Variants in CD101 observed in about 807,000 individuals in gnomAD.
CD101 encodes CD101 molecule.
CD101 carries 76 observed loss-of-function variants against 98.2 expected under a neutral mutation model. The ratio of observed to expected loss-of-function variants is 0.77; its 90% CI spans 0.64 to 0.94. The LOEUF (loss-of-function observed/expected upper bound fraction) is 0.94. CD101 is among the 40% of genes least tolerant of loss of function. The probability of loss-of-function intolerance (pLI) is 0.00; values close to 1 mark genes in which losing one functional copy is unlikely to be tolerated. For synonymous variants in CD101, 471 were observed against 472.7 expected (o/e 1.00, Z 0.05); for missense variants, 1,145 against 1,218.8 (o/e 0.94, Z 0.90).
chr1:117,016,093 T>A (rs1252875726), intron 4 of CD101, among the ~76,000 whole-genome samples: 1 of 151,754 alleles, frequency 6.6e-6, no homozygotes. Flanking sequence ...AGTTTAGACA[T>A]AAGAAGCCTC....
chr1:117,027,280 A>G (rs900737190), intron 8 of CD101, among the ~76,000 whole-genome samples: 1 of 152,202 alleles, frequency 6.6e-6, no homozygotes, highest in East Asian at 1.9e-4. Flanking sequence ...ATAAATAACT[A>G]TATCAGGTTC....
chr1:117,031,305 A>T (rs1471101180), intron 8 of CD101, among the ~76,000 whole-genome samples: 1 of 152,086 alleles, frequency 6.6e-6, no homozygotes. Context: ...TGAAAAGCAG[A>T]GTAGCAGATT....
At position 117,033,761 on chromosome 1, in the gene CD101, A is replaced by T. The variant is rs1570752881; in HGVS notation, c.2825-99A>T. 4 of 1,517,372 alleles carry T rather than the reference A, an allele frequency of 2.6e-6. No homozygotes were observed. The Admixed American group carries it at 7.4e-5, about 28-fold the overall frequency. 94.0% of individuals were successfully genotyped at this position (1,517,372 alleles called of 1,614,324 possible). On this transcript the variant is annotated intron_variant, in intron 8 of 9. Transcript: ENST00000682167. This position sits in a 1 kb window ranked among gnomAD's most constrained non-coding sequence, Gnocchi z 4.8. ...TGCTATTTGGCCCCATTATTTTTAC[A>T]TATACTTGCCTATAACAATAAATCC...
In CD101 at chr1:117,013,759, CCAGA is replaced by C. The variant is rs1191175797; in HGVS notation, c.1199_1202del (p.Asp400AlafsTer5). On this transcript the variant is annotated frameshift_variant, in exon 4 of 10. Transcript: ENST00000682167. LOFTEE classifies it high-confidence loss of function. ...GCAGGTGCTTCAGAGAAAGCAGTCACCAGACAGCCACGTGCACCTGAGGAAGCCA... is the reference window on the plus strand; with the variant it reads ...GCAGGTGCTTCAGAGAAAGCAGTCACCAGCCACGTGCACCTGAGGAAGCCA... 9 of 1,613,066 alleles carry C rather than the reference CCAGA, an allele frequency of 5.6e-6. No homozygotes were observed. The highest frequency in any genetic ancestry group is 3.3e-5 in the Admixed American group (2 of 59,968).
chr1:117,017,245 G>T lies in CD101; in HGVS notation c.1384G>T (p.Gly462Cys), dbSNP rs747338413. The T allele has an allele frequency of 1.2e-6, 2 of 1,614,086 alleles. No individual in the cohort carries two copies. The highest frequency in any genetic ancestry group is 2.7e-5 in the African/African-American group (2 of 74,936). ...RDQTQPEFVA[G>C]MGQDGIVQLG... ...CCAGACACAGCCCGAGTTTGTGGCT[G>T]GCATGGGGCAGGATGGCATTGTGCA... Residue 462 changes from glycine to cysteine, a missense_variant, in exon 5 of 10, where the codon GGC becomes TGC. Coordinates refer to ENST00000682167, the MANE Select transcript of CD101 (RefSeq NM_001256106.3).
Position 117,026,898 on chromosome 1 carries a change from C to T in CD101, c.2824+994C>T, listed in dbSNP as rs1653971171. 4 of 152,000 alleles carry T rather than the reference C, an allele frequency of 2.6e-5. No individual in the cohort carries two copies. In the South Asian group the frequency reaches 8.3e-4, roughly 32 times the overall value. The allele number at this position is 152,000 out of a possible 1,614,324, so 9.4% of individuals were successfully genotyped here. A position where few individuals can be genotyped will look rare whatever the true frequency, so the allele number is the denominator to read the frequency against. Reference sequence around the variant, plus strand: ...AATGTTGAGGATTTCCAAGGAAATCCCTGTAATGTACCTTCTGGGCTCCTC... The same window carrying T: ...AATGTTGAGGATTTCCAAGGAAATCTCTGTAATGTACCTTCTGGGCTCCTC... On this transcript the variant is annotated intron_variant, in intron 8 of 9. Transcript: ENST00000682167.
At position 117,034,006 on chromosome 1, in the gene CD101, A is replaced by G; in HGVS notation, c.2971A>G (p.Thr991Ala). 6.2e-7 allele frequency: 1 copy of G among 1,614,138 alleles called. No homozygotes were observed. Among genetic ancestry groups the G allele is most frequent in the South Asian group, 1.1e-5 (1 of 91,078 alleles). Residue 991 changes from threonine (T) to alanine (A), a missense_variant, in exon 9 of 10, where the codon ACA becomes GCA. Coordinates refer to ENST00000682167, the MANE Select transcript of CD101 (RefSeq NM_001256106.3). The part of the protein sequence containing the change: ...ARKLSTLRSN[T>A]RKEKALWVDL... Reference sequence around the variant, plus strand: ...GAAGTTGTCAACACTGCGTTCCAACACACGGAAAGAAAAAGCTCTCTGGGT... The same window carrying G: ...GAAGTTGTCAACACTGCGTTCCAACGCACGGAAAGAAAAAGCTCTCTGGGT...
chr1:117,025,544 G>A lies in CD101; in HGVS notation c.2464G>A (p.Glu822Lys), dbSNP rs751950188. ...KVRVSKVYWT[E>K]NVTEHREVAI... ...ACGTGTCTCCAAAGTGTACTGGACC[G>A]AAAATGTGACTGAGCACAGAGAAGT... The change falls in exon 8 of 10, where the codon GAA becomes AAA. Residue 822 changes from glutamate (E) to lysine (K), a missense_variant. Glu to Lys is a moderately conservative substitution (Grantham distance 56, BLOSUM62 1). Transcript: ENST00000682167. The A allele has an allele frequency of 1.6e-5, 26 of 1,600,484 alleles. No individual in the cohort carries two copies. The highest frequency in any genetic ancestry group is 1.4e-4 in the Admixed American group (8 of 58,992).
In CD101 at chr1:117,025,588, G is replaced by A; in HGVS notation, c.2508G>A (p.Leu836=). The A allele has an allele frequency of 6.2e-7, 1 of 1,613,742 alleles. No homozygotes were observed. The highest frequency in any genetic ancestry group is 1.7e-5 in the Admixed American group (1 of 60,024). The change falls in exon 8 of 10, where the codon CTG becomes CTA. Residue 836 remains leucine (L), a synonymous_variant. Coordinates refer to ENST00000682167, the MANE Select transcript of CD101 (RefSeq NM_001256106.3). ...GAGAAGTGGCCATCCGCTGCAGCCT[G>A]GAGAGTGTAGGCAGCTCAGCCACTC... ...EHREVAIRCS[L]ESVGSSATLY... is the part of the protein sequence containing the mutation.
At position 117,014,504 on chromosome 1, in the gene CD101, C is replaced by T. The variant is rs530945430; in HGVS notation, c.1228+712C>T. Among the ~76,000 whole-genome samples the T allele has an allele frequency of 5.9e-4, 90 of 152,082 alleles. 1 individual carries two copies. The highest frequency in any genetic ancestry group is 1.1e-3 in the Non-Finnish European group (78 of 68,022). On this transcript the variant is annotated intron_variant, in intron 4 of 9. Coordinates refer to ENST00000682167, the MANE Select transcript of CD101 (RefSeq NM_001256106.3). ...AAATGGTTCTGAATGTCTGCATGCA[C>T]GGAACTGAGGAAGCCACTCAGCTCA... is the stretch of plus-strand genomic sequence containing the variant.
At position 117,017,310 on chromosome 1, in the gene CD101, C is replaced by T. The variant is rs757569220; in HGVS notation, c.1449C>T (p.Asn483=). 2.4e-5 allele frequency: 39 copies of T among 1,614,096 alleles called. No individual in the cohort carries two copies. The South Asian group carries it at 3.5e-4, about 15-fold the overall frequency. The change falls in exon 5 of 10, where the codon AAC becomes AAT. Residue 483 remains asparagine (N), a synonymous_variant. Coordinates refer to ENST00000682167, the MANE Select transcript of CD101 (RefSeq NM_001256106.3). ...ATGGGGTACCCAGTTACCATGGCAA[C>T]ACAAGGCTGGAGAAAATGGACTGGG... is the stretch of plus-strand genomic sequence containing the variant. ...ASYGVPSYHG[N]TRLEKMDWAT...
At position 117,013,717 on chromosome 1, in the gene CD101, A is replaced by G. The variant is rs1653032375; in HGVS notation, c.1153A>G (p.Thr385Ala). The G allele has an allele frequency of 6.8e-6, 11 of 1,613,886 alleles. No individual in the cohort carries two copies. In the East Asian group the frequency reaches 2.5e-4, roughly 36 times the overall value. Residue 385 changes from threonine to alanine, a missense_variant, in exon 4 of 10, where the codon ACA becomes GCA. By Grantham distance (58) the Thr-to-Ala change is moderately conservative (BLOSUM62 0). Coordinates refer to ENST00000682167, the MANE Select transcript of CD101 (RefSeq NM_001256106.3). Reference protein sequence around the residue: ...YRCVVAEVMKTRTGSWQVLQR... With the variant: ...YRCVVAEVMKARTGSWQVLQR... ...ATGTGTGGTAGCAGAGGTCATGAAAACACGCACAGGTTCCTGGCAGGTGCT... is the reference window on the plus strand; with the variant it reads ...ATGTGTGGTAGCAGAGGTCATGAAAGCACGCACAGGTTCCTGGCAGGTGCT...
Position 117,025,522 on chromosome 1 carries a change from T to C in CD101, c.2442T>C (p.Arg814=), listed in dbSNP as rs1653857016. 4 of 1,558,364 alleles carry C rather than the reference T, an allele frequency of 2.6e-6. No homozygotes were observed. ...TTTATTTTCTAGGAAGTAAGGTACG[T>C]GTCTCCAAAGTGTACTGGACCGAAA... ...LKLKPTGSKV[R]VSKVYWTENV... is the part of the protein sequence containing the mutation. The change falls in exon 8 of 10, where the codon CGT becomes CGC. Residue 814 remains arginine (R), a synonymous_variant. Coordinates refer to ENST00000682167, the MANE Select transcript of CD101 (RefSeq NM_001256106.3).
In CD101 at chr1:117,021,564, T is replaced by A; in HGVS notation, c.2018-9T>A. The stretch of plus-strand genomic sequence containing the variant: ...TAGCAAAGTAACTGTTTCATTTTTT[T>A]AAATTTAGAGAGCAAGCTAAAAGTG... On this transcript the variant is annotated splice_polypyrimidine_tract_variant and intron_variant, in intron 6 of 9. Coordinates refer to ENST00000682167, the MANE Select transcript of CD101 (RefSeq NM_001256106.3). This position sits in a 1 kb window ranked among gnomAD's most constrained non-coding sequence, Gnocchi z 4.7. 6.4e-7 allele frequency: 1 copy of A among 1,551,648 alleles called. No individual in the cohort carries two copies. Among genetic ancestry groups the A allele is most frequent in the Non-Finnish European group, 8.7e-7 (1 of 1,154,636 alleles).
At chr1:117,007,549 T>C (rs1190959671) in intron 1 of CD101, among the ~76,000 whole-genome samples, 3 of 152,144 alleles carry the variant, frequency 2.0e-5, no homozygotes, top group Non-Finnish European at 2.9e-5. Flanking sequence ...GGTTTCACCA[T>C]GTTGGCCAGG....
intron 7 of CD101, 170 bp from the exon 8 acceptor site, chr1:117,025,339 G>C: frequency 2.0e-6 from 1 of 509,080 alleles, no homozygotes; most frequent in South Asian, 3.7e-5. Context: ...CTCTGGCCTG[G>C]GTGACAGAGC....
In CD101 at chr1:117,021,812, A is replaced by G; in HGVS notation, c.2257A>G (p.Thr753Ala). Reference sequence around the variant, plus strand: ...CCCACAGAGAAAACAAAAATTTCATACTGAGAAGGTTTCCCAAGACTTATT... The same window carrying G: ...CCCACAGAGAAAACAAAAATTTCATGCTGAGAAGGTTTCCCAAGACTTATT... ...HTPQRKQKFH[T>A]EKVSQDLFQL... Residue 753 changes from threonine to alanine, a missense_variant, in exon 7 of 10, where the codon ACT (threonine) becomes GCT (alanine). Coordinates refer to ENST00000682167, the MANE Select transcript of CD101 (RefSeq NM_001256106.3). This position sits in a 1 kb window ranked among gnomAD's most constrained non-coding sequence, Gnocchi z 4.7. 6.2e-7 allele frequency: 1 copy of G among 1,614,188 alleles called. No individual in the cohort carries two copies. The highest frequency in any genetic ancestry group is 8.5e-7 in the Non-Finnish European group (1 of 1,180,030).
At chr1:117,024,212 C>T (rs1242573728) in intron 7 of CD101, among the ~76,000 whole-genome samples, 1 of 152,222 alleles carries the variant, frequency 6.6e-6, no homozygotes, top group Non-Finnish European at 1.5e-5. Flanking sequence ...CACAGTGGCT[C>T]ATGCCTATAA....
rs1652418010 is a variant in CD101 at position 117,004,447 on chromosome 1, T to A, written c.43+2587T>A. Among the ~76,000 whole-genome samples, 1 of 152,126 alleles carries A rather than the reference T, an allele frequency of 6.6e-6. No homozygotes were observed. Among genetic ancestry groups the A allele is most frequent in the Non-Finnish European group, 1.5e-5 (1 of 68,014 alleles). On this transcript the variant is annotated intron_variant, in intron 1 of 9. Transcript: ENST00000682167. The surrounding 1 kb of genome is among the most constrained non-coding windows in gnomAD (Gnocchi z 4.1). ...AATACTGCAGTGGTAAATTTGACAA[T>A]TCCAGTGATATTTTTAAAGAAAGTC...
Sources: gnomAD v4.1 joint callset for allele counts (sites outside exome capture counted in the v4.1 genomes callset) on GRCh38, gnomAD v4.1.1 for gene constraint, Gnocchi (gnomAD v3.1) non-coding constraint, MANE v1.5 for transcripts, NCBI Gene and HGNC (gene_info 2026-07-23, HGNC 2026-07-21) for gene names.